CDC42SE2: variants seen among roughly 807,000 people sequenced by gnomAD.
The protein encoded by CDC42SE2 is CDC42 small effector 2, also known as CDC42 small effector protein 2.
CDC42SE2 carries 3 observed loss-of-function variants against 11.5 expected under a neutral mutation model. That is an observed-to-expected ratio of 0.26 (90% CI 0.12 to 0.67). CDC42SE2 has a LOEUF of 0.67. Among genes scored for constraint, CDC42SE2 ranks in the 30% least tolerant of loss-of-function variants. The pLI is 0.80. For synonymous variants in CDC42SE2, 33 were observed against 34.8 expected (o/e 0.95, Z 0.18); for missense variants, 82 against 106.8 (o/e 0.77, Z 1.02).
intron 1 of CDC42SE2, among the ~76,000 whole-genome samples, chr5:131,311,637 C>G (rs562619726): frequency 6.6e-6 from 1 of 152,110 alleles, no homozygotes; most frequent in African/African-American, 2.4e-5. Flanking sequence ...AGACTTTGCT[C>G]GTTTCTTTTT....
upstream of CDC42SE2, among the ~76,000 whole-genome samples, chr5:131,242,182 C>T (rs959046293): frequency 2.0e-5 from 3 of 152,062 alleles, no homozygotes; most frequent in African/African-American, 4.8e-5. Context: ...ATTTCCACAG[C>T]GAAATCTAAA....
At position 131,391,328 on chromosome 5, in the gene CDC42SE2, G is replaced by C. The variant is rs1750645774; in HGVS notation, c.*237G>C. Reference sequence around the variant, plus strand: ...AAAACATCTGGTTGGGGAGGATTCTGATGACAAGATGCTTCTTATGTGTCC... The same window carrying C: ...AAAACATCTGGTTGGGGAGGATTCTCATGACAAGATGCTTCTTATGTGTCC... On this transcript the variant is annotated 3_prime_UTR_variant, in exon 5 of 5. Coordinates refer to ENST00000505065, the MANE Select transcript of CDC42SE2 (RefSeq NM_001375635.1). 5.5e-6 allele frequency: 1 copy of C among 180,986 alleles called. No individual in the cohort carries two copies. The highest frequency in any genetic ancestry group is 1.1e-5 in the Non-Finnish European group (1 of 88,586). The allele number at this position is 180,986 out of a possible 1,614,324, so 11.2% of individuals were successfully genotyped here.
At chr5:131,361,839 C>T (rs1749718475) in intron 3 of CDC42SE2, among the ~76,000 whole-genome samples, 1 of 152,124 alleles carries the variant, frequency 6.6e-6, no homozygotes, top group Non-Finnish European at 1.5e-5. Flanking sequence ...CAGTTGATGG[C>T]CTGCTGGCAT....
At chr5:131,245,408 C>T (rs1756572803), upstream of CDC42SE2, 1 of 151,982 alleles carries the variant, frequency 6.6e-6, no homozygotes, top group African/African-American at 2.4e-5. Context: ...ACAGCCTGTT[C>T]TTACCAAGAT....
At chr5:131,214,067 G>A in the CDC42SE2 span, among the ~76,000 whole-genome samples, 4 of 152,140 alleles carry the variant, frequency 2.6e-5, no homozygotes, top group African/African-American at 9.7e-5. Flanking sequence ...GTGCTAATTA[G>A]CAACTAAATA....
intron 1 of CDC42SE2, among the ~76,000 whole-genome samples, chr5:131,307,601 C>G (rs1757806924): frequency 6.6e-6 from 1 of 152,178 alleles, no homozygotes; most frequent in South Asian, 2.1e-4. Flanking sequence ...ACGGCTGGGT[C>G]AAATGGTATT....
chr5:131,379,631 T>C lies in CDC42SE2; in HGVS notation c.55-5912T>C, dbSNP rs182749695. Among the ~76,000 whole-genome samples the C allele has an allele frequency of 1.1e-3, 165 of 152,350 alleles. 1 individual carries two copies. The highest frequency in any genetic ancestry group is 3.9e-4 in the East Asian group (2 of 5,190). ...TATGATGTAATTATGTAAAAAGTTA[T>C]GGGAAGAGACATTTTGCCTAATGTC... is the stretch of plus-strand genomic sequence containing the variant. On this transcript the variant is annotated intron_variant, in intron 3 of 4. Transcript: ENST00000505065.
At chr5:131,293,547 G>C (rs1026716281) in intron 1 of CDC42SE2, among the ~76,000 whole-genome samples, 4 of 145,038 alleles carry the variant, frequency 2.8e-5, no homozygotes, top group Non-Finnish European at 6.0e-5. Context: ...ACTCTAGCCT[G>C]GGTGACGAGA....
the CDC42SE2 span, among the ~76,000 whole-genome samples, chr5:131,223,272 C>T: frequency 2.0e-5 from 3 of 152,158 alleles, no homozygotes; most frequent in Admixed American, 2.0e-4. Context: ...TGCCCCTTAT[C>T]TGGCTTTCCC....
At chr5:131,244,423 T>C (rs529047378), upstream of CDC42SE2, among the ~76,000 whole-genome samples, 9 of 152,216 alleles carry the variant, frequency 5.9e-5, no homozygotes, top group South Asian at 1.9e-3. Context: ...ACAAAAAACA[T>C]CTTCAGGCCG....
At chr5:131,372,584 C>T (rs890406891) in intron 3 of CDC42SE2, among the ~76,000 whole-genome samples, 14 of 152,000 alleles carry the variant, frequency 9.2e-5, no homozygotes, top group African/African-American at 2.9e-4. Context: ...TGTGGTGGCA[C>T]GCACCTGTAG....
At chr5:131,308,765 A>G (rs1301271258) in intron 1 of CDC42SE2, among the ~76,000 whole-genome samples, 3 of 151,000 alleles carry the variant, frequency 2.0e-5, no homozygotes, top group African/African-American at 4.9e-5. Context: ...TTGGTGTATA[A>G]GAATGCTTGT....
intron 3 of CDC42SE2, among the ~76,000 whole-genome samples, chr5:131,365,059 G>T (rs755127665): frequency 6.6e-6 from 1 of 152,302 alleles, no homozygotes; most frequent in Non-Finnish European, 1.5e-5. Flanking sequence ...GGAGGCCGAG[G>T]CGGGCTGATT....
intron 1 of CDC42SE2, among the ~76,000 whole-genome samples, chr5:131,294,060 T>A (rs191585740): frequency 7.6e-4 from 115 of 152,278 alleles, no homozygotes; most frequent in South Asian, 6.4e-3. Context: ...TAGAAGAAAT[T>A]GTGTGTTAAT....
chr5:131,293,710 A>G (rs1010941451), intron 1 of CDC42SE2, among the ~76,000 whole-genome samples: 1 of 152,160 alleles, frequency 6.6e-6, no homozygotes, highest in African/African-American at 2.4e-5. Flanking sequence ...GTATTTTGTT[A>G]TAGCAGCCTG....
the CDC42SE2 span, among the ~76,000 whole-genome samples, chr5:131,226,787 C>T: frequency 3.9e-5 from 6 of 152,188 alleles, no homozygotes; most frequent in African/African-American, 1.4e-4. Flanking sequence ...TAGACTTACT[C>T]AGCAGCTACC....
At chr5:131,348,175 C>T (rs1042158438) in intron 2 of CDC42SE2, among the ~76,000 whole-genome samples, 6 of 152,130 alleles carry the variant, frequency 3.9e-5, no homozygotes, top group South Asian at 2.1e-4. Context: ...GAATAAAGGG[C>T]ATTCAATTAG....
intron 2 of CDC42SE2, among the ~76,000 whole-genome samples, chr5:131,320,626 C>T (rs1758167313): frequency 6.6e-6 from 1 of 151,716 alleles, no homozygotes; most frequent in African/African-American, 2.4e-5. Flanking sequence ...CTTGTAATCT[C>T]AGCTACTTGG....
At chr5:131,224,339 A>G in the CDC42SE2 span, among the ~76,000 whole-genome samples, 1 of 152,204 alleles carries the variant, frequency 6.6e-6, no homozygotes, top group East Asian at 1.9e-4. Context: ...AGAGAATTCC[A>G]GATCTTACTT....
Sources: gnomAD v4.1 joint callset for allele counts (sites outside exome capture counted in the v4.1 genomes callset) on GRCh38, gnomAD v4.1.1 for gene constraint, MANE v1.5 for transcripts, NCBI Gene and HGNC (gene_info 2026-07-23, HGNC 2026-07-21) for gene names.